Variants in WDR70 observed in about 807,000 individuals in gnomAD.
The protein encoded by WDR70 is WD repeat-containing protein 70.
WDR70 carries 53 observed loss-of-function variants against 88.6 expected under a neutral mutation model. That is an observed-to-expected ratio of 0.60 (90% CI 0.48 to 0.75). The LOEUF is 0.75. Ranked by LOEUF, WDR70 falls within the 30% of genes least tolerant of loss-of-function variation. The pLI, the probability that WDR70 is intolerant of heterozygous loss-of-function variation, is 0.00. For missense variants in WDR70, 610 were observed against 823.2 expected (o/e 0.74, Z 3.17); for synonymous variants, 280 against 270.0 (o/e 1.04, Z -0.36).
At chr5:37,739,231 A>G (rs977604445) in intron 17 of WDR70, among the ~76,000 whole-genome samples, 4 of 152,222 alleles carry the variant, frequency 2.6e-5, no homozygotes, top group Non-Finnish European at 5.9e-5. Flanking sequence ...GACTTCGTTA[A>G]GGTAGATACT....
chr5:37,661,594 C>T (rs1260105909), intron 10 of WDR70, among the ~76,000 whole-genome samples: 1 of 152,118 alleles, frequency 6.6e-6, no homozygotes, highest in South Asian at 2.1e-4. Flanking sequence ...ATTCGGGGAT[C>T]AGAGTTTTTA....
intron 8 of WDR70, among the ~76,000 whole-genome samples, chr5:37,497,572 C>T (rs953049242): frequency 6.6e-6 from 1 of 151,744 alleles, no homozygotes; most frequent in Non-Finnish European, 1.5e-5. Flanking sequence ...GGCCTTCAGC[C>T]CAAATTTATC....
chr5:37,419,054 A>G (rs1016695942), intron 5 of WDR70, among the ~76,000 whole-genome samples: 4 of 151,016 alleles, frequency 2.6e-5, no homozygotes, highest in African/African-American at 9.7e-5. Flanking sequence ...GTGAGCCACC[A>G]TGTTGGGCCC....
intron 10 of WDR70, among the ~76,000 whole-genome samples, chr5:37,679,987 A>G (rs1002154165): frequency 5.3e-5 from 8 of 152,224 alleles, no homozygotes; most frequent in Non-Finnish European, 1.0e-4. Flanking sequence ...TTGATCTCAC[A>G]CTGCGACTAA....
At chr5:37,518,074 C>A (rs1740948222) in intron 9 of WDR70, among the ~76,000 whole-genome samples, 1 of 151,472 alleles carries the variant, frequency 6.6e-6, no homozygotes, top group Non-Finnish European at 1.5e-5. Flanking sequence ...GCCACCATGC[C>A]CAGCTAATTT....
chr5:37,391,886 A>G (rs1239511197), intron 3 of WDR70, 114 bp from the exon 4 acceptor site: 2 of 1,206,908 alleles, frequency 1.7e-6, no homozygotes, highest in East Asian at 2.7e-5. Flanking sequence ...TGTTACTGCT[A>G]ACACTCTAAG....
chr5:37,415,243 C>G (rs1581260162), intron 5 of WDR70, among the ~76,000 whole-genome samples: 1 of 152,108 alleles, frequency 6.6e-6, no homozygotes, highest in Non-Finnish European at 1.5e-5. Flanking sequence ...TTCCCCTTTT[C>G]TATTCCACAA....
At chr5:37,500,506 A>G (rs1249902880) in intron 8 of WDR70, among the ~76,000 whole-genome samples, 10 of 152,126 alleles carry the variant, frequency 6.6e-5, no homozygotes, top group African/African-American at 2.2e-4. Flanking sequence ...AGAAATCTCC[A>G]TATTGTTTTC....
At chr5:37,455,775 T>G (rs1436207279) in intron 7 of WDR70, among the ~76,000 whole-genome samples, 1 of 152,016 alleles carries the variant, frequency 6.6e-6, no homozygotes, top group Non-Finnish European at 1.5e-5. Context: ...ATTTATTCTT[T>G]TTATTTGTAC....
intron 5 of WDR70, among the ~76,000 whole-genome samples, chr5:37,414,022 G>A (rs1749610056): frequency 1.3e-5 from 2 of 151,034 alleles, no homozygotes; most frequent in Admixed American, 6.6e-5. Flanking sequence ...GTGCATGCTT[G>A]TAATCCCAGC....
At chr5:37,387,534 C>G (rs1039726364) in intron 3 of WDR70, among the ~76,000 whole-genome samples, 1 of 152,030 alleles carries the variant, frequency 6.6e-6, no homozygotes, top group Non-Finnish European at 1.5e-5. Flanking sequence ...ACACATGAAT[C>G]TAAATTGATT....
At chr5:37,672,636 T>G (rs1343601889) in intron 10 of WDR70, among the ~76,000 whole-genome samples, 1 of 152,190 alleles carries the variant, frequency 6.6e-6, no homozygotes, top group Non-Finnish European at 1.5e-5. Context: ...CATATTTTCC[T>G]GCTGACCTTC....
intron 8 of WDR70, among the ~76,000 whole-genome samples, chr5:37,487,625 GTA>G (rs1739922974): frequency 1.7e-4 from 2 of 11,714 alleles, no homozygotes; most frequent in African/African-American, 2.8e-4. Flanking sequence ...ATATATATAT[GTA>G]TTTTTTTTTT....
At chr5:37,502,406 A>C (rs915767158) in intron 8 of WDR70, among the ~76,000 whole-genome samples, 1 of 151,990 alleles carries the variant, frequency 6.6e-6, no homozygotes, top group African/African-American at 2.4e-5. Context: ...ATTTAGTATG[A>C]TGTTGGCTGT....
At chr5:37,385,518 C>CAAAAA in intron 3 of WDR70, among the ~76,000 whole-genome samples, 1 of 67,860 alleles carries the variant, frequency 1.5e-5, no homozygotes, top group Non-Finnish European at 2.6e-5. Flanking sequence ...GAGCCTGTCT[C>CAAAAA]AAAAAAAAAA....
At chr5:37,473,685 C>T (rs923228728) in intron 7 of WDR70, among the ~76,000 whole-genome samples, 1 of 152,142 alleles carries the variant, frequency 6.6e-6, no homozygotes, top group African/African-American at 2.4e-5. Context: ...TTATCAGATA[C>T]CTGAATTACT....
intron 7 of WDR70, among the ~76,000 whole-genome samples, chr5:37,471,469 TA>T (rs1206524820): frequency 6.6e-6 from 1 of 151,742 alleles, no homozygotes; most frequent in African/African-American, 2.4e-5. Context: ...CTTTTTTTTT[TA>T]AATACCATTT....
At chr5:37,470,822 T>C (rs999330367) in intron 7 of WDR70, among the ~76,000 whole-genome samples, 5 of 152,144 alleles carry the variant, frequency 3.3e-5, no homozygotes, top group Non-Finnish European at 7.3e-5. Context: ...GCTTTTCTGT[T>C]GGGTATATAC....
At chr5:37,485,105 G>A (rs1438447758) in intron 8 of WDR70, among the ~76,000 whole-genome samples, 2 of 152,132 alleles carry the variant, frequency 1.3e-5, no homozygotes, top group Non-Finnish European at 2.9e-5. Context: ...AACTGGATAT[G>A]GTTGATGCAG....
Sources: allele counts gnomAD v4.1 joint callset (sites outside exome capture counted in the v4.1 genomes callset), GRCh38; gene constraint gnomAD v4.1.1; transcripts MANE v1.5; gene names NCBI Gene and HGNC (gene_info 2026-07-23, HGNC 2026-07-21).